Variants in NXPE2 observed in about 807,000 individuals in gnomAD.
NXPE2 encodes neurexophilin and PC-esterase domain family member 2.
In NXPE2, 34 loss-of-function variants were observed where a neutral mutation model predicts 34.4. The observed-to-expected ratio is 0.99, with a 90% CI of 0.75 to 1.31. The LOEUF is 1.31. Among genes scored for constraint, NXPE2 ranks in the 40% most tolerant of loss-of-function variants. NXPE2 has a pLI of 0.00. For synonymous variants in NXPE2, 235 were observed against 231.3 expected (o/e 1.02, Z -0.15); for missense variants, 649 against 672.5 (o/e 0.97, Z 0.39).
chr11:114,574,256 T>C, the NXPE2 span, among the ~76,000 whole-genome samples: 23 of 151,940 alleles, frequency 1.5e-4, no homozygotes, highest in African/African-American at 5.5e-4. Context: ...TACATAAAAG[T>C]CTGAGAGGGC....
the NXPE2 span, among the ~76,000 whole-genome samples, chr11:114,604,095 C>G: frequency 6.6e-6 from 1 of 151,984 alleles, no homozygotes; most frequent in South Asian, 2.1e-4. Flanking sequence ...TAGGTAACTA[C>G]TGTTATCTGC....
the NXPE2 span, among the ~76,000 whole-genome samples, chr11:114,749,425 T>C: frequency 3.9e-5 from 6 of 152,130 alleles, no homozygotes; most frequent in Admixed American, 1.3e-4. Flanking sequence ...TTATATAAAA[T>C]GGGGTCAGCA....
At chr11:114,476,222 C>T in the NXPE2 span, among the ~76,000 whole-genome samples, 2 of 152,124 alleles carry the variant, frequency 1.3e-5, no homozygotes, top group Admixed American at 6.5e-5. Flanking sequence ...ATAAAGTCTT[C>T]TTATGTGTAA....
the NXPE2 span, among the ~76,000 whole-genome samples, chr11:114,487,771 T>C: frequency 6.6e-6 from 1 of 152,134 alleles, no homozygotes. Context: ...TTAATTGAAG[T>C]GATCGTATGG....
chr11:114,683,088 C>T (rs1402020845), intron 2 of NXPE2, among the ~76,000 whole-genome samples: 1 of 151,806 alleles, frequency 6.6e-6, no homozygotes, highest in Non-Finnish European at 1.5e-5. Context: ...AATATAAAAC[C>T]TGATCTATAG....
At chr11:114,783,631 T>C in the NXPE2 span, among the ~76,000 whole-genome samples, 1 of 152,244 alleles carries the variant, frequency 6.6e-6, no homozygotes, top group Non-Finnish European at 1.5e-5. Flanking sequence ...TGGGGTCCTC[T>C]TTACTCCTTG....
the NXPE2 span, among the ~76,000 whole-genome samples, chr11:114,588,596 G>A: frequency 2.6e-5 from 4 of 152,126 alleles, no homozygotes; most frequent in Non-Finnish European, 4.4e-5. Context: ...TTCCCAATAC[G>A]AAGAGAGGCA....
chr11:114,599,631 A>G, the NXPE2 span, among the ~76,000 whole-genome samples: 4 of 152,290 alleles, frequency 2.6e-5, no homozygotes, highest in African/African-American at 9.6e-5. Flanking sequence ...GGAAGGCCTC[A>G]GGGAGCTTTT....
the NXPE2 span, among the ~76,000 whole-genome samples, chr11:114,613,610 G>A: frequency 6.6e-6 from 1 of 151,932 alleles, no homozygotes; most frequent in African/African-American, 2.4e-5. Flanking sequence ...ATTGCCTCAT[G>A]GGTAACCACT....
At chr11:114,654,884 A>G in the NXPE2 span, among the ~76,000 whole-genome samples, 1 of 152,160 alleles carries the variant, frequency 6.6e-6, no homozygotes, top group Non-Finnish European at 1.5e-5. Context: ...TAGATCCTTG[A>G]GGAATCGCTA....
chr11:114,486,898 C>T, the NXPE2 span, among the ~76,000 whole-genome samples: 11 of 152,062 alleles, frequency 7.2e-5, no homozygotes, highest in Admixed American at 2.0e-4. Context: ...GTTTACAATA[C>T]GTCTGTAGTA....
chr11:114,719,506 A>G, the NXPE2 span, among the ~76,000 whole-genome samples: 2 of 152,148 alleles, frequency 1.3e-5, no homozygotes, highest in South Asian at 2.1e-4. Flanking sequence ...TCCTTGGTGG[A>G]CGTTTGCCCG....
chr11:114,571,623 A>G, the NXPE2 span: 1 of 760,250 alleles, frequency 1.3e-6, no homozygotes. Flanking sequence ...TGTTTTTGAA[A>G]ATTATTTGAA....
At chr11:114,653,828 T>C in the NXPE2 span, among the ~76,000 whole-genome samples, 3 of 152,054 alleles carry the variant, frequency 2.0e-5, no homozygotes, top group Non-Finnish European at 4.4e-5. Context: ...GCGCCTGGCC[T>C]GTCCTGCTTT....
At chr11:114,568,189 TTTTTC>T in the NXPE2 span, among the ~76,000 whole-genome samples, 15 of 152,340 alleles carry the variant, frequency 9.8e-5, no homozygotes, top group African/African-American at 3.6e-4. Flanking sequence ...ATATATCTTC[TTTTTC>T]TTTTCTTAAA....
At chr11:114,472,764 C>T in the NXPE2 span, among the ~76,000 whole-genome samples, 3 of 152,148 alleles carry the variant, frequency 2.0e-5, no homozygotes, top group Non-Finnish European at 2.9e-5. Context: ...GAATGTTCTA[C>T]GTAATGGCAG....
At chr11:114,754,950 GC>G in the NXPE2 span, among the ~76,000 whole-genome samples, 2 of 152,166 alleles carry the variant, frequency 1.3e-5, no homozygotes, top group South Asian at 4.1e-4. Context: ...AACCAGCATG[GC>G]TACAACAGTG....
chr11:114,580,469 G>A, the NXPE2 span: 6 of 696,354 alleles, frequency 8.6e-6, no homozygotes, highest in Non-Finnish European at 1.4e-5. Flanking sequence ...AAGTATTACT[G>A]AAGTATTCTC....
Position 114,705,813 on chromosome 11 carries a change from G to A in NXPE2, c.961G>A (p.Gly321Arg). 2 of 1,514,548 alleles carry A rather than the reference G, an allele frequency of 1.3e-6. No homozygotes were observed. The highest frequency in any genetic ancestry group is 2.6e-5 in the East Asian group (1 of 38,136). The allele number at this position is 1,514,548 out of a possible 1,614,324, so 93.8% of individuals were successfully genotyped here. ...SENIKKNCQIGMKTPFPSGYT... is the reference protein window; with the variant it reads ...SENIKKNCQIRMKTPFPSGYT... ...GAACATAAAAAAGAACTGCCAGATT[G>A]GAATGAAGACTCCTTTCCCCAGTGG... is the stretch of plus-strand genomic sequence containing the variant. The change falls in exon 5 of 6, where the codon GGA (glycine) becomes AGA (arginine). Residue 321 changes from glycine to arginine, a missense_variant. By Grantham distance (125) the Gly-to-Arg change is moderately radical. Transcript: ENST00000389586.
Sources: gnomAD v4.1 joint callset for allele counts (sites outside exome capture counted in the v4.1 genomes callset) on GRCh38, gnomAD v4.1.1 for gene constraint, MANE v1.5 for transcripts, NCBI Gene and HGNC (gene_info 2026-07-23, HGNC 2026-07-21) for gene names.